FHIT: variants seen among roughly 807,000 people sequenced by gnomAD.
FHIT encodes fragile histidine triad diadenosine triphosphatase.
FHIT carries 19 observed loss-of-function variants against 17.9 expected under a neutral mutation model. The ratio of observed to expected loss-of-function variants is 1.06; its 90% CI spans 0.74 to 1.56. FHIT has a LOEUF of 1.56. Among genes scored for constraint, FHIT ranks in the 40% most tolerant of loss-of-function variants. FHIT has a pLI of 0.00. For missense variants in FHIT, 248 were observed against 189.2 expected, an observed-to-expected ratio of 1.31 and a Z score of -1.82; for synonymous variants, 81 against 69.7, an observed-to-expected ratio of 1.16 and a Z score of -0.81.
intron 5 of FHIT, among the ~76,000 whole-genome samples, chr3:60,381,165 A>G (rs1700784239): frequency 6.6e-6 from 1 of 152,136 alleles, no homozygotes; most frequent in Non-Finnish European, 1.5e-5. Context: ...GCAGAAGTAT[A>G]TTGCTTAGGA....
intron 8 of FHIT, among the ~76,000 whole-genome samples, chr3:59,850,713 C>T (rs1382375913): frequency 6.6e-6 from 1 of 152,184 alleles, no homozygotes; most frequent in Non-Finnish European, 1.5e-5. Flanking sequence ...AACACTGACA[C>T]TGGGAACAAT....
At chr3:60,658,672 A>C (rs928515645) in intron 4 of FHIT, among the ~76,000 whole-genome samples, 4 of 152,134 alleles carry the variant, frequency 2.6e-5, no homozygotes, top group African/African-American at 9.6e-5. Flanking sequence ...TAGCTTCTCA[A>C]ATTATGTAGA....
intron 5 of FHIT, among the ~76,000 whole-genome samples, chr3:60,483,065 A>G (rs1331581722): frequency 6.6e-6 from 1 of 152,196 alleles, no homozygotes; most frequent in Non-Finnish European, 1.5e-5. Context: ...ATGCAAACAA[A>G]CTAGAAAATC....
At chr3:60,635,467 C>G (rs969537218) in intron 4 of FHIT, among the ~76,000 whole-genome samples, 1 of 152,166 alleles carries the variant, frequency 6.6e-6, no homozygotes, top group Admixed American at 6.5e-5. Flanking sequence ...CATAAACCCC[C>G]CAACCACACT....
intron 5 of FHIT, among the ~76,000 whole-genome samples, chr3:60,358,234 A>G (rs1223109211): frequency 6.6e-6 from 1 of 152,238 alleles, no homozygotes; most frequent in Admixed American, 6.5e-5. Context: ...ATAGATTAAA[A>G]TATTCTAAAG....
chr3:60,651,518 G>A (rs1244649127), intron 4 of FHIT, among the ~76,000 whole-genome samples: 1 of 151,288 alleles, frequency 6.6e-6, no homozygotes, highest in Non-Finnish European at 1.5e-5. Context: ...GAGAAAAAAG[G>A]AAAGCATTTT....
At chr3:60,236,706 C>CT (rs755140862) in intron 5 of FHIT, among the ~76,000 whole-genome samples, 14 of 151,890 alleles carry the variant, frequency 9.2e-5, no homozygotes, top group South Asian at 2.1e-4. Context: ...GTTTTATTTC[C>CT]TTTTTTTTAC....
intron 5 of FHIT, among the ~76,000 whole-genome samples, chr3:60,346,119 T>C (rs1247795519): frequency 2.0e-5 from 3 of 152,194 alleles, no homozygotes. Context: ...CCTGCCAACA[T>C]TTGCCCATGT....
At chr3:60,396,787 A>G (rs892733822) in intron 5 of FHIT, among the ~76,000 whole-genome samples, 5 of 152,184 alleles carry the variant, frequency 3.3e-5, no homozygotes, top group African/African-American at 1.2e-4. Flanking sequence ...TTAATTTTCT[A>G]TTATGTGAAT....
rs1701657368 is a variant in FHIT at position 60,401,572 on chromosome 3, A to G, written c.103+135288T>C. ...GCTCTGATAACACATGATCCCTTCT[A>G]GGTTTAGAGGTGATGCCAGCTTCCC... On this transcript the variant is annotated intron_variant, in intron 5 of 9. Coordinates refer to ENST00000492590, the MANE Select transcript of FHIT (RefSeq NM_002012.4). 1.3e-5 allele frequency among the ~76,000 whole-genome samples: 2 copies of G among 152,082 alleles called. 1 individual carries two copies. Among genetic ancestry groups the G allele is most frequent in the South Asian group, 4.2e-4 (2 of 4,816 alleles).
chr3:60,894,982 A>G (rs1212186188), intron 3 of FHIT, among the ~76,000 whole-genome samples: 1 of 152,210 alleles, frequency 6.6e-6, no homozygotes, highest in Non-Finnish European at 1.5e-5. Context: ...TTTAACGTTG[A>G]TAGAATACTA....
At chr3:60,851,748 T>C (rs1295867222) in intron 3 of FHIT, among the ~76,000 whole-genome samples, 7 of 152,116 alleles carry the variant, frequency 4.6e-5, no homozygotes, top group African/African-American at 1.7e-4. Context: ...AGACAGATTA[T>C]TATATTCAGG....
At chr3:60,108,956 C>G (rs1704549674) in intron 5 of FHIT, among the ~76,000 whole-genome samples, 1 of 152,180 alleles carries the variant, frequency 6.6e-6, no homozygotes, top group African/African-American at 2.4e-5. Flanking sequence ...AGCCACCATG[C>G]CCAGCCATTC....
intron 3 of FHIT, among the ~76,000 whole-genome samples, chr3:61,029,224 A>G (rs570695566): frequency 6.6e-6 from 1 of 152,344 alleles, no homozygotes; most frequent in South Asian, 2.1e-4. Context: ...GTTGTTAAAT[A>G]CTAACAACAC....
In FHIT at chr3:60,036,562, G is replaced by A. The variant is rs1003596478; in HGVS notation, c.104-22410C>T. On this transcript the variant is annotated intron_variant, in intron 5 of 9. Transcript: ENST00000492590. ...TATTTTTTCTTATTTATATCATAAA[G>A]ATACTTAAAACAATATTAAAATGAT... Among the ~76,000 whole-genome samples, 4 of 152,116 alleles carry A rather than the reference G, an allele frequency of 2.6e-5. No homozygotes were observed. The South Asian group carries it at 8.3e-4, about 32-fold the overall frequency.
At position 60,208,279 on chromosome 3, in the gene FHIT, A is replaced by G. The variant is rs534935387; in HGVS notation, c.104-194127T>C. 3.3e-5 allele frequency among the ~76,000 whole-genome samples: 5 copies of G among 152,320 alleles called. No homozygotes were observed. In the South Asian group the frequency reaches 1.0e-3, roughly 32 times the overall value. On this transcript the variant is annotated intron_variant, in intron 5 of 9. Coordinates refer to ENST00000492590, the MANE Select transcript of FHIT (RefSeq NM_002012.4). ...CATTTTAATCACATTTTTATTGAAGAAGCTTATTAAAAGATGCAGGCTTTC... is the reference window on the plus strand; with the variant it reads ...CATTTTAATCACATTTTTATTGAAGGAGCTTATTAAAAGATGCAGGCTTTC...
intron 7 of FHIT, among the ~76,000 whole-genome samples, chr3:59,926,752 A>G (rs1444508788): frequency 3.3e-5 from 5 of 152,220 alleles, no homozygotes; most frequent in Non-Finnish European, 1.5e-5. Flanking sequence ...GTCATTAGGG[A>G]AATGCAAATC....
intron 8 of FHIT, among the ~76,000 whole-genome samples, chr3:59,881,552 C>T (rs910331403): frequency 6.6e-6 from 1 of 152,116 alleles, no homozygotes. Context: ...TAAATGTTCA[C>T]ATATAATTTC....
At chr3:60,797,914 TA>T (rs1474689164) in intron 4 of FHIT, among the ~76,000 whole-genome samples, 4 of 152,048 alleles carry the variant, frequency 2.6e-5, no homozygotes, top group African/African-American at 7.2e-5. Context: ...TTAAAAACAT[TA>T]AAAATTAATT....
Sources: allele counts gnomAD v4.1 joint callset (sites outside exome capture counted in the v4.1 genomes callset), GRCh38; gene constraint gnomAD v4.1.1; transcripts MANE v1.5; gene names NCBI Gene and HGNC (gene_info 2026-07-23, HGNC 2026-07-21).